The following ECE1 variants were observed in gnomAD, a reference collection of about 807,000 sequenced individuals.
ECE1 encodes the protein endothelin-converting enzyme 1.
ECE1 carries 35 observed loss-of-function variants against 98.6 expected under a neutral mutation model. The observed-to-expected ratio is 0.35, with a 90% CI of 0.27 to 0.47. The LOEUF is 0.47. ECE1 is among the 20% of genes least tolerant of loss of function. The probability of loss-of-function intolerance (pLI) is 1.00; values close to 1 mark genes in which losing one functional copy is unlikely to be tolerated. For synonymous variants in ECE1, 394 were observed against 407.1 expected, an observed-to-expected ratio of 0.97 and a Z score of 0.39; for missense variants, 814 against 1,025.3, an observed-to-expected ratio of 0.79 and a Z score of 2.81.
At chr1:21,332,747 GA>G (rs1558437290) in intron 1 of ECE1, among the ~76,000 whole-genome samples, 3 of 46,356 alleles carry the variant, frequency 6.5e-5, no homozygotes, top group Non-Finnish European at 8.9e-5. Context: ...GAGGGGAGGG[GA>G]GGGGAGGGGG....
intron 14 of ECE1, 85 bp from the exon 15 acceptor site, chr1:21,228,126 G>T: frequency 9.6e-7 from 1 of 1,043,366 alleles, no homozygotes; most frequent in Non-Finnish European, 1.4e-6. Flanking sequence ...CTTGGGGATC[G>T]GGAATAAGGG....
chr1:21,271,679 C>T (rs777849036), intron 4 of ECE1, among the ~76,000 whole-genome samples: 6 of 152,044 alleles, frequency 3.9e-5, no homozygotes, highest in Non-Finnish European at 7.3e-5. Flanking sequence ...GGGGGAGGAG[C>T]CCAGTGGGCA....
At chr1:21,298,654 T>G (rs1638421909) in intron 1 of ECE1, 1 of 431,190 alleles carries the variant, frequency 2.3e-6, no homozygotes, top group East Asian at 7.0e-5. Context: ...GTGGCACATG[T>G]CAGCTCCTTG....
In ECE1 at chr1:21,257,562, G is replaced by A. The variant is rs750422881; in HGVS notation, c.791C>T (p.Ser264Leu). The change falls in exon 7 of 19, where the codon TCG becomes TTG. Residue 264 changes from serine to leucine, a missense_variant. Ser to Leu is a moderately radical substitution (Grantham distance 145, BLOSUM62 -2). Coordinates refer to ENST00000374893, the MANE Select transcript of ECE1 (RefSeq NM_001397.3). ...AGTTTTGTTCAGGTAATAGTCTCTCGAGGGCAAGCCCAGGCCAGACTGGTC... is the reference window on the plus strand; with the variant it reads ...AGTTTTGTTCAGGTAATAGTCTCTCAAGGGCAAGCCCAGGCCAGACTGGTC... The part of the protein sequence containing the change: ...QVDQSGLGLP[S>L]RDYYLNKTEN... The A allele has an allele frequency of 3.1e-6, 5 of 1,614,142 alleles. No individual in the cohort carries two copies. Among genetic ancestry groups the A allele is most frequent in the South Asian group, 2.2e-5 (2 of 91,094 alleles).
In ECE1 at chr1:21,340,634, T is replaced by C. The variant is rs1264865151; in HGVS notation, c.3+4742A>G. ...CGGGTGGATCACTTGAGGTCAGCAG[T>C]CCAAGACCAGCCTGGGCAACATGGC... On this transcript the variant is annotated intron_variant, in intron 1 of 18. Transcript: ENST00000415912. The surrounding 1 kb of genome is among the most constrained non-coding windows in gnomAD (Gnocchi z 4.6). Among the ~76,000 whole-genome samples the C allele has an allele frequency of 6.6e-6, 1 of 152,042 alleles. No homozygotes were observed. Among genetic ancestry groups the C allele is most frequent in the Non-Finnish European group, 1.5e-5 (1 of 67,984 alleles).
intron 1 of ECE1, among the ~76,000 whole-genome samples, chr1:21,339,785 C>A (rs542590063): frequency 7.2e-5 from 11 of 152,296 alleles, no homozygotes; most frequent in African/African-American, 2.6e-4. Context: ...TACACCTCCC[C>A]CCAGGAAGTC....
intron 1 of ECE1, among the ~76,000 whole-genome samples, chr1:21,335,881 G>A (rs575629961): frequency 6.6e-6 from 1 of 152,318 alleles, no homozygotes; most frequent in South Asian, 2.1e-4. Flanking sequence ...TGGAGGGGAA[G>A]GGACTTGCCT....
intron 1 of ECE1, among the ~76,000 whole-genome samples, chr1:21,313,360 G>C (rs1023462406): frequency 9.9e-5 from 15 of 152,194 alleles, no homozygotes; most frequent in Admixed American, 2.6e-4. Context: ...ATGCTTGCCT[G>C]GGGGGATGGA....
At position 21,236,756 on chromosome 1, in the gene ECE1, G is replaced by A; in HGVS notation, c.1478C>T (p.Ala493Val). ...CCTGGCCAGCCTCACCTTTTCCTTG[G>A]CTGATTTTCGGGTTTCCTCATCCAT... ...KWMDEETRKS[A>V]KEKADAIYNM... The change falls in exon 12 of 19, where the codon GCC (alanine) becomes GTC (valine). Residue 493 changes from alanine to valine, a missense_variant. By Grantham distance (64) the Ala-to-Val change is moderately conservative (BLOSUM62 0). This residue lies in a region of ECE1 where 452 missense variants were observed against 567.3 expected (regional missense o/e 0.80). Transcript: ENST00000374893. 1.2e-6 allele frequency: 2 copies of A among 1,613,866 alleles called. No individual in the cohort carries two copies. The highest frequency in any genetic ancestry group is 1.7e-6 in the Non-Finnish European group (2 of 1,180,026).
rs931042423 is a variant in ECE1 at position 21,322,793 on chromosome 1, C to T, written c.3+22583G>A. Among the ~76,000 whole-genome samples the T allele has an allele frequency of 3.9e-5, 6 of 152,130 alleles. No individual in the cohort carries two copies. Among genetic ancestry groups the T allele is most frequent in the Non-Finnish European group, 7.4e-5 (5 of 68,022 alleles). ...CTAGCACTCTGCTGAGAGAAAGAAACGGGGAGGCCGGGAAGGGAAGTGGGC... is the reference window on the plus strand; with the variant it reads ...CTAGCACTCTGCTGAGAGAAAGAAATGGGGAGGCCGGGAAGGGAAGTGGGC... On this transcript the variant is annotated intron_variant, in intron 1 of 18. Coordinates refer to the ECE1 transcript ENST00000415912. The surrounding 1 kb of genome is among the most constrained non-coding windows in gnomAD (Gnocchi z 4.1).
At chr1:21,257,480 A>G (rs3026879) in intron 7 of ECE1, 45 bp downstream of exon 7, 376,425 of 1,603,604 alleles carry the variant, frequency 0.23, 46,538 homozygotes, top group Non-Finnish European at 0.26. Flanking sequence ...CGGAGCAGGA[A>G]GGACCGTGCT....
In ECE1 at chr1:21,345,482, T is replaced by G. The variant is rs1639481533; in HGVS notation, c.-104A>C. 13 of 1,094,690 alleles carry G rather than the reference T, an allele frequency of 1.2e-5. No homozygotes were observed. The highest frequency in any genetic ancestry group is 1.5e-5 in the Non-Finnish European group (13 of 868,116). 67.8% of individuals were successfully genotyped at this position (1,094,690 alleles called of 1,614,324 possible). A position where few individuals can be genotyped will look rare whatever the true frequency, so the allele number is the denominator to read the frequency against. ...AGCCCAGCTGCTCGGACGGCTCGGC[T>G]GCCTGGCCCAGGCGGCGCGCTCAGC... On this transcript the variant is annotated 5_prime_UTR_variant, in exon 1 of 19. Transcript: ENST00000415912. This position sits in a 1 kb window ranked among gnomAD's most constrained non-coding sequence, Gnocchi z 5.1.
At chr1:21,343,066 G>C (rs1332224621) in intron 1 of ECE1, among the ~76,000 whole-genome samples, 2 of 152,016 alleles carry the variant, frequency 1.3e-5, no homozygotes, top group Non-Finnish European at 2.9e-5. Flanking sequence ...TGTCACACAG[G>C]TCCCCCTCCC....
chr1:21,263,814 G>A (rs1047831183), intron 4 of ECE1, among the ~76,000 whole-genome samples: 6 of 151,998 alleles, frequency 3.9e-5, no homozygotes, highest in African/African-American at 1.5e-4. Flanking sequence ...TAGAAGGTAC[G>A]GTTCCTCTTC....
At chr1:21,336,986 G>A (rs1639316234) in intron 1 of ECE1, among the ~76,000 whole-genome samples, 3 of 152,176 alleles carry the variant, frequency 2.0e-5, no homozygotes, top group Admixed American at 2.0e-4. Context: ...GCAGTGAGCC[G>A]AGACTGCACC....
chr1:21,342,211 T>C (rs773214852), intron 1 of ECE1, among the ~76,000 whole-genome samples: 6 of 152,118 alleles, frequency 3.9e-5, no homozygotes, highest in Non-Finnish European at 5.9e-5. Flanking sequence ...TGAAGGAACA[T>C]TCTCAAGGTG....
intron 1 of ECE1, among the ~76,000 whole-genome samples, chr1:21,317,474 C>T (rs1279144944): frequency 2.6e-5 from 4 of 152,318 alleles, no homozygotes; most frequent in Admixed American, 6.5e-5. Context: ...CAGTCCAGCC[C>T]GCGGCGACGC....
chr1:21,288,600 G>A (rs1395964834), intron 2 of ECE1, among the ~76,000 whole-genome samples: 1 of 152,212 alleles, frequency 6.6e-6, no homozygotes, highest in Non-Finnish European at 1.5e-5. Context: ...ACTTTGCTGT[G>A]AATTCTGAAA....
intron 2 of ECE1, among the ~76,000 whole-genome samples, chr1:21,289,730 C>G (rs910997502): frequency 6.6e-6 from 1 of 151,812 alleles, no homozygotes; most frequent in Non-Finnish European, 1.5e-5. Context: ...GGGCAAGTCC[C>G]GGGACATGCA....
Sources: gnomAD v4.1 joint callset for allele counts (sites outside exome capture counted in the v4.1 genomes callset) on GRCh38, gnomAD v4.1.1 for gene constraint, gnomAD v4.1.1 regional missense constraint, Gnocchi (gnomAD v3.1) non-coding constraint, MANE v1.5 for transcripts, NCBI Gene and HGNC (gene_info 2026-07-23, HGNC 2026-07-21) for gene names.